STK3: variants seen among roughly 807,000 people sequenced by gnomAD.
The protein encoded by STK3 is serine/threonine-protein kinase 3.
STK3 carries 41 observed loss-of-function variants against 58.0 expected under a neutral mutation model. The ratio of observed to expected loss-of-function variants is 0.71; its 90% CI spans 0.55 to 0.92. The LOEUF (loss-of-function observed/expected upper bound fraction) is 0.92, where lower values mean the gene tolerates loss of function less well. Among genes scored for constraint, STK3 ranks in the 40% least tolerant of loss-of-function variants. STK3 has a pLI of 0.00. For synonymous variants in STK3, 170 were observed against 191.0 expected (o/e 0.89, Z 0.91); for missense variants, 479 against 602.7 (o/e 0.79, Z 2.15).
Position 98,893,538 on chromosome 8 carries a change from A to AAG in STK3, c.-78-9705_-78-9704insCT, listed in dbSNP as rs1305264288. Among the ~76,000 whole-genome samples the AAG allele has an allele frequency of 2.7e-3, 373 of 139,720 alleles. 4 individuals carry two copies. Among genetic ancestry groups the AAG allele is most frequent in the African/African-American group, 9.0e-3 (332 of 36,892 alleles). The allele number at this position is 139,720 out of a possible 152,430, so 91.7% of individuals were successfully genotyped here. A position where few individuals can be genotyped will look rare whatever the true frequency, so the allele number is the denominator to read the frequency against. ...AAAGAAAGAAAGAAAGAAAGAAAGA[A>AAG]AAAGAAAGAGAAAGAGAAAGAGAGA... is the stretch of plus-strand genomic sequence containing the variant. On this transcript the variant is annotated intron_variant, in intron 1 of 1. Coordinates refer to the STK3 transcript ENST00000519420.
At chr8:98,898,384 A>G (rs1260814049) in intron 1 of STK3, among the ~76,000 whole-genome samples, 1 of 152,222 alleles carries the variant, frequency 6.6e-6, no homozygotes, top group Non-Finnish European at 1.5e-5. Flanking sequence ...GTCTTTGCCT[A>G]GGACACCCTG....
rs140063877 is a variant in STK3, at chr8:98,897,296, G to A, written c.-78-13462C>T. 9.9e-3 allele frequency among the ~76,000 whole-genome samples: 1,504 copies of A among 152,258 alleles called. 29 individuals are homozygous for A. Among genetic ancestry groups the A allele is most frequent in the African/African-American group, 0.034 (1,432 of 41,524 alleles). ...TTTTTGGCCGGGCGTGGGGGCTCAC[G>A]CCTGTAATCCTAGCACTTTGGGAGG... On this transcript the variant is annotated intron_variant, in intron 1 of 1. Coordinates refer to the STK3 transcript ENST00000519420.
At chr8:98,748,225 T>C (rs569664235) in intron 4 of STK3, among the ~76,000 whole-genome samples, 3 of 152,310 alleles carry the variant, frequency 2.0e-5, no homozygotes, top group Admixed American at 1.3e-4. Flanking sequence ...TGGGATATAA[T>C]TACTTTCCAC....
chr8:98,349,656 A>G, the STK3 span, among the ~76,000 whole-genome samples: 1 of 152,178 alleles, frequency 6.6e-6, no homozygotes, highest in Non-Finnish European at 1.5e-5. Flanking sequence ...ATTTCCATAC[A>G]TGCTCTGAAA....
chr8:98,384,277 A>G (rs1817768138), intron 1 of STK3, among the ~76,000 whole-genome samples: 1 of 152,210 alleles, frequency 6.6e-6, no homozygotes. Context: ...GTGTAACCAA[A>G]TTCTTTTAGC....
chr8:98,524,017 A>G (rs549938719), intron 10 of STK3, among the ~76,000 whole-genome samples: 9 of 152,194 alleles, frequency 5.9e-5, no homozygotes, highest in Admixed American at 4.6e-4. Context: ...CCCATTTTGA[A>G]TTAATTTTTG....
chr8:98,717,061 C>A (rs1827075032), intron 4 of STK3, among the ~76,000 whole-genome samples: 1 of 151,854 alleles, frequency 6.6e-6, no homozygotes, highest in African/African-American at 2.4e-5. Context: ...TAAAACTATA[C>A]CACTCTTGGG....
intron 1 of STK3, among the ~76,000 whole-genome samples, chr8:98,906,989 TAAAAAAA>T (rs3085954): frequency 2.1e-5 from 2 of 94,784 alleles, no homozygotes; most frequent in Non-Finnish European, 4.4e-5. Flanking sequence ...TCTCTACCAA[TAAAAAAA>T]AAAAAAAAAA....
chr8:98,678,847 C>T (rs1434580917), intron 6 of STK3, among the ~76,000 whole-genome samples: 2 of 151,968 alleles, frequency 1.3e-5, no homozygotes, highest in Non-Finnish European at 2.9e-5. Flanking sequence ...ACCTTTATTC[C>T]TTTCTATAGC....
chr8:98,510,422 T>A (rs1230022759), intron 10 of STK3, among the ~76,000 whole-genome samples: 3 of 151,770 alleles, frequency 2.0e-5, no homozygotes, highest in African/African-American at 7.2e-5. Flanking sequence ...CTCACCCATA[T>A]ATTTGCCTTC....
intron 1 of STK3, among the ~76,000 whole-genome samples, chr8:98,926,698 A>G (rs1444263552): frequency 6.6e-6 from 1 of 152,252 alleles, no homozygotes; most frequent in East Asian, 1.9e-4. Flanking sequence ...AAGGCCGTTA[A>G]GAAATAAGGC....
intron 6 of STK3, among the ~76,000 whole-genome samples, chr8:98,697,673 T>C (rs1407615717): frequency 6.6e-6 from 1 of 152,198 alleles, no homozygotes; most frequent in East Asian, 1.9e-4. Context: ...TGGTTTTGAG[T>C]GAGTTTCTTA....
chr8:98,761,194 G>A (rs1051001285), intron 3 of STK3, among the ~76,000 whole-genome samples: 1 of 151,280 alleles, frequency 6.6e-6, no homozygotes, highest in Non-Finnish European at 1.5e-5. Flanking sequence ...CATGATCTCA[G>A]GTCATTGTAA....
chr8:98,350,125 C>T, the STK3 span, among the ~76,000 whole-genome samples: 2 of 152,144 alleles, frequency 1.3e-5, no homozygotes, highest in African/African-American at 4.8e-5. Flanking sequence ...TTTAACAGCA[C>T]CCAAGTCACC....
rs747349913 is a variant in STK3 at position 98,548,020 on chromosome 8, T to TC, written c.1089dup (p.Thr364AspfsTer7). The TC allele has an allele frequency of 4.3e-6, 7 of 1,609,334 alleles. No homozygotes were observed. Among genetic ancestry groups the TC allele is most frequent in the Non-Finnish European group, 5.1e-6 (6 of 1,177,972 alleles). ...TCATCCTCACTGTTTATCACCATGG[T>TC]CCCCAAGTCGGATTCCAACATCGTG... On this transcript the variant is annotated frameshift_variant, in exon 9 of 11. Transcript: ENST00000419617. LOFTEE classifies it high-confidence loss of function.
At position 98,647,800 on chromosome 8, in the gene STK3, C is replaced by G. The variant is rs188448394; in HGVS notation, c.685-51631G>C. ...GGGATTGTAGGCATGAGCCATTGCA[C>G]CCAGCCTTGATGTCATTATCTAATG... is the stretch of plus-strand genomic sequence containing the variant. On this transcript the variant is annotated intron_variant, in intron 6 of 10. Transcript: ENST00000419617. Among the ~76,000 whole-genome samples, 1,404 of 152,294 alleles carry G rather than the reference C, an allele frequency of 9.2e-3. 18 individuals carry two copies. Among genetic ancestry groups the G allele is most frequent in the African/African-American group, 0.032 (1,327 of 41,570 alleles).
At chr8:98,672,164 C>G (rs1027929233) in intron 6 of STK3, among the ~76,000 whole-genome samples, 8 of 152,018 alleles carry the variant, frequency 5.3e-5, no homozygotes, top group African/African-American at 1.7e-4. Context: ...CCAGGCTGGT[C>G]TTGAACTCCT....
intron 4 of STK3, among the ~76,000 whole-genome samples, chr8:98,728,211 A>AC (rs1005706336): frequency 3.3e-5 from 5 of 151,814 alleles, no homozygotes; most frequent in African/African-American, 1.2e-4. Context: ...ATTTCATTCC[A>AC]CCCCCCTAAA....
rs138368075 is a variant in STK3, at chr8:98,722,462, G to A, written c.352-15151C>T. Among the ~76,000 whole-genome samples, 972 of 152,214 alleles carry A rather than the reference G, an allele frequency of 6.4e-3. 7 individuals carry two copies. Among genetic ancestry groups the A allele is most frequent in the African/African-American group, 0.022 (911 of 41,546 alleles). On this transcript the variant is annotated intron_variant, in intron 4 of 10. Transcript: ENST00000419617. The stretch of plus-strand genomic sequence containing the variant: ...GAGGAGAGTGGAAGGAAATAAGAAC[G>A]TATACTTAGTGGACACCATACAGCA...
Sources: gnomAD v4.1 joint callset for allele counts (sites outside exome capture counted in the v4.1 genomes callset) on GRCh38, gnomAD v4.1.1 for gene constraint, MANE v1.5 for transcripts, NCBI Gene and HGNC (gene_info 2026-07-23, HGNC 2026-07-21) for gene names.